Variants in PCDHGA9 observed in about 807,000 individuals in gnomAD.
PCDHGA9 encodes the protein protocadherin gamma-A9.
Under a neutral mutation model 62.5 loss-of-function variants are expected in PCDHGA9, and 37 were observed. The observed-to-expected ratio is 0.59, with a 90% CI of 0.46 to 0.78. The LOEUF (loss-of-function observed/expected upper bound fraction) is 0.78, where lower values mean the gene tolerates loss of function less well. PCDHGA9 is among the 30% of genes least tolerant of loss of function. The probability of loss-of-function intolerance (pLI) is 0.00; values close to 1 mark genes in which losing one functional copy is unlikely to be tolerated. For synonymous variants in PCDHGA9, 459 were observed against 484.6 expected, an observed-to-expected ratio of 0.95 and a Z score of 0.69; for missense variants, 1,138 against 1,166.2, an observed-to-expected ratio of 0.98 and a Z score of 0.35.
chr5:141,408,316 G>T (rs1407149479), intron 1 of PCDHGA9: 2 of 1,613,750 alleles, frequency 1.2e-6, no homozygotes, highest in African/African-American at 1.3e-5. Flanking sequence ...ACTCGATTCC[G>T]GAGGAGCTGG....
rs777856819 is a variant in PCDHGA9, at chr5:141,487,572, T to A, written c.2425-7235T>A. On this transcript the variant is annotated intron_variant, in intron 1 of 3. Coordinates refer to ENST00000573521, the MANE Select transcript of PCDHGA9 (RefSeq NM_018921.3). The surrounding 1 kb of genome is among the most constrained non-coding windows in gnomAD (Gnocchi z 5.0). ...AGTGCACCTATGGCAGGGGAGCCTG[T>A]TCGCCCAAGCTGCCCACCCTCTGAT... 1 of 1,614,168 alleles carries A rather than the reference T, an allele frequency of 6.2e-7. No individual in the cohort carries two copies. Among genetic ancestry groups the A allele is most frequent in the Non-Finnish European group, 8.5e-7 (1 of 1,180,034 alleles).
At position 141,421,815 on chromosome 5, in the gene PCDHGA9, A is replaced by C. The variant is rs746563152; in HGVS notation, c.2424+16439A>C. ...ATGGGGCCAAGAATCCAGAGCTAGTACTGGAGGGAAGCCTGGACCGAGAGA... is the reference window on the plus strand; with the variant it reads ...ATGGGGCCAAGAATCCAGAGCTAGTCCTGGAGGGAAGCCTGGACCGAGAGA... On this transcript the variant is annotated intron_variant, in intron 1 of 3. Coordinates refer to ENST00000573521, the MANE Select transcript of PCDHGA9 (RefSeq NM_018921.3). 4 of 1,613,764 alleles carry C rather than the reference A, an allele frequency of 2.5e-6. No individual in the cohort carries two copies. The South Asian group carries it at 3.3e-5, about 13-fold the overall frequency.
Position 141,405,138 on chromosome 5 carries a change from G to A in PCDHGA9, c.2186G>A (p.Ser729Asn), listed in dbSNP as rs777486710. The A allele has an allele frequency of 2.5e-6, 4 of 1,613,962 alleles. No individual in the cohort carries two copies. The highest frequency in any genetic ancestry group is 3.4e-6 in the Non-Finnish European group (4 of 1,179,946). The change falls in exon 1 of 4, where the codon AGT (serine) becomes AAT (asparagine). Residue 729 changes from serine to asparagine, a missense_variant. By Grantham distance (46) the Ser-to-Asn change is conservative. Transcript: ENST00000573521. ...WHSSHLLRAT[S>N]DGLAGVPTSH... ...TCCTCGCATCTGCTGCGGGCTACCA[G>A]TGATGGGTTGGCTGGTGTGCCCACC...
chr5:141,413,684 C>T, intron 1 of PCDHGA9: 1 of 1,613,838 alleles, frequency 6.2e-7, no homozygotes, highest in Non-Finnish European at 8.5e-7. Context: ...GGCGTGAACT[C>T]CCTGCAGAGC....
At chr5:141,415,863 GTGT>G in intron 1 of PCDHGA9, 1 of 1,107,154 alleles carries the variant, frequency 9.0e-7, no homozygotes, top group Non-Finnish European at 1.2e-6. Flanking sequence ...GTAGTTTATA[GTGT>G]TGTTGAGTAC....
intron 1 of PCDHGA9, chr5:141,408,674 A>T (rs1005052894): frequency 3.1e-6 from 5 of 1,614,000 alleles, no homozygotes; most frequent in Non-Finnish European, 4.2e-6. Flanking sequence ...TGACCCTGCC[A>T]CGGATCCTGA....
intron 1 of PCDHGA9, among the ~76,000 whole-genome samples, chr5:141,464,436 TTTG>T (rs1043492514): frequency 1.1e-4 from 17 of 151,396 alleles, no homozygotes; most frequent in Non-Finnish European, 1.9e-4. Flanking sequence ...GATATATATG[TTTG>T]TTGTTGTTGT....
At position 141,487,249 on chromosome 5, in the gene PCDHGA9, C is replaced by T. The variant is rs757148469; in HGVS notation, c.2425-7558C>T. ...AAGGAGAATCTCGTCTAACCCTCTACTTGGCTGTGTCCCTAGTGGCAATTT... is the reference window on the plus strand; with the variant it reads ...AAGGAGAATCTCGTCTAACCCTCTATTTGGCTGTGTCCCTAGTGGCAATTT... On this transcript the variant is annotated intron_variant, in intron 1 of 3. Coordinates refer to ENST00000573521, the MANE Select transcript of PCDHGA9 (RefSeq NM_018921.3). The surrounding 1 kb of genome is among the most constrained non-coding windows in gnomAD (Gnocchi z 5.0). 2.5e-6 allele frequency: 4 copies of T among 1,614,164 alleles called. No homozygotes were observed. In the South Asian group the frequency reaches 4.4e-5, roughly 18 times the overall value.
chr5:141,467,409 C>T (rs2099143590), intron 1 of PCDHGA9, among the ~76,000 whole-genome samples: 1 of 152,132 alleles, frequency 6.6e-6, no homozygotes, highest in South Asian at 2.1e-4. Context: ...GAAAGCCTTT[C>T]CCCACACCTA....
chr5:141,417,919 G>C, intron 1 of PCDHGA9: 1 of 1,605,944 alleles, frequency 6.2e-7, no homozygotes, highest in Non-Finnish European at 8.5e-7. Flanking sequence ...TATTTCCTTT[G>C]CTGCTGCCTT....
chr5:141,432,343 G>C lies in PCDHGA9; in HGVS notation c.2424+26967G>C, dbSNP rs1174646711. 3 of 1,614,130 alleles carry C rather than the reference G, an allele frequency of 1.9e-6. No homozygotes were observed. On this transcript the variant is annotated intron_variant, in intron 1 of 3. Coordinates refer to ENST00000573521, the MANE Select transcript of PCDHGA9 (RefSeq NM_018921.3). This position sits in a 1 kb window ranked among gnomAD's most constrained non-coding sequence, Gnocchi z 6.0. ...TCGACTACGAGCAGTTCCGAGACTTGCAAGTGAAAGTGATGGCGCGGGACA... is the reference window on the plus strand; with the variant it reads ...TCGACTACGAGCAGTTCCGAGACTTCCAAGTGAAAGTGATGGCGCGGGACA...
chr5:141,511,003 G>T lies in PCDHGA9; in HGVS notation c.2629G>T (p.Ala877Ser), dbSNP rs114669158. ...GGGAGTMGLS[A>S]RYGPQFTLQH... The stretch of plus-strand genomic sequence containing the variant: ...GGGTGCCGGCACCATGGGATTGAGC[G>T]CCCGCTACGGACCCCAGTTCACCCT... Residue 877 changes from alanine to serine, a missense_variant, in exon 4 of 4, where the codon GCC (alanine) becomes TCC (serine). Coordinates refer to ENST00000573521, the MANE Select transcript of PCDHGA9 (RefSeq NM_018921.3). 2 of 1,614,032 alleles carry T rather than the reference G, an allele frequency of 1.2e-6. No individual in the cohort carries two copies. Among genetic ancestry groups the T allele is most frequent in the Non-Finnish European group, 1.7e-6 (2 of 1,180,020 alleles).
At position 141,477,763 on chromosome 5, in the gene PCDHGA9, C is replaced by A. The variant is rs763322593; in HGVS notation, c.2425-17044C>A. On this transcript the variant is annotated intron_variant, in intron 1 of 3. Coordinates refer to ENST00000573521, the MANE Select transcript of PCDHGA9 (RefSeq NM_018921.3). The surrounding 1 kb of genome is among the most constrained non-coding windows in gnomAD (Gnocchi z 4.9). ...ATGGGGGCACCCCGGTCCTAGCCAC[C>A]AACATCAGCGTGAACATATTTGTCA... 5.0e-6 allele frequency: 8 copies of A among 1,613,894 alleles called. No homozygotes were observed. The East Asian group carries it at 1.6e-4, about 31-fold the overall frequency.
chr5:141,501,345 A>G (rs2099808580), intron 2 of PCDHGA9, among the ~76,000 whole-genome samples: 2 of 150,582 alleles, frequency 1.3e-5, no homozygotes, highest in East Asian at 1.9e-4. Context: ...CCCAAACTCA[A>G]TAGGGCAAGA....
intron 2 of PCDHGA9, among the ~76,000 whole-genome samples, chr5:141,496,335 C>G (rs2099768099): frequency 1.3e-5 from 2 of 152,204 alleles, no homozygotes; most frequent in Admixed American, 6.5e-5. Flanking sequence ...AAGTCAGGAG[C>G]CTGGAGGAGT....
chr5:141,427,046 C>A (rs916723344), intron 1 of PCDHGA9: 6 of 457,244 alleles, frequency 1.3e-5, no homozygotes, highest in African/African-American at 2.0e-5. Flanking sequence ...AGAATGTGCC[C>A]CCAGGCACCT....
At chr5:141,444,492 T>C (rs1052885639) in intron 1 of PCDHGA9, among the ~76,000 whole-genome samples, 1 of 152,122 alleles carries the variant, frequency 6.6e-6, no homozygotes, top group East Asian at 1.9e-4. Context: ...TTATATTGTG[T>C]AATACTTTGC....
chr5:141,457,997 G>A (rs2098934533), intron 1 of PCDHGA9, among the ~76,000 whole-genome samples: 1 of 152,152 alleles, frequency 6.6e-6, no homozygotes, highest in Non-Finnish European at 1.5e-5. Context: ...TAAAGCCTTG[G>A]CAAAATAACC....
Position 141,489,068 on chromosome 5 carries a change from G to GGCC in PCDHGA9, c.2425-5739_2425-5738insGCC. The GGCC allele has an allele frequency of 3.4e-6, 1 of 291,556 alleles. No individual in the cohort carries two copies. The allele number at this position is 291,556 out of a possible 1,614,324, so 18.1% of individuals were successfully genotyped here. A position where few individuals can be genotyped will look rare whatever the true frequency, so the allele number is the denominator to read the frequency against. ...CTCAAATTCAGCTCCCCTCCCCCCT[G>GGCC]CCCACCCCCGCCACTCGGTGACTAA... On this transcript the variant is annotated intron_variant, in intron 1 of 3. Coordinates refer to ENST00000573521, the MANE Select transcript of PCDHGA9 (RefSeq NM_018921.3). The surrounding 1 kb of genome is among the most constrained non-coding windows in gnomAD (Gnocchi z 4.5).
Sources: gnomAD v4.1 joint callset for allele counts (sites outside exome capture counted in the v4.1 genomes callset) on GRCh38, gnomAD v4.1.1 for gene constraint, Gnocchi (gnomAD v3.1) non-coding constraint, MANE v1.5 for transcripts, NCBI Gene and HGNC (gene_info 2026-07-23, HGNC 2026-07-21) for gene names.